Variants in DIAPH1 observed in about 807,000 individuals in gnomAD.
The protein encoded by DIAPH1 is protein diaphanous homolog 1.
A neutral mutation model predicts 140.7 loss-of-function variants in DIAPH1; 46 were observed. The ratio of observed to expected loss-of-function variants is 0.33; its 90% CI spans 0.26 to 0.42. DIAPH1 has a LOEUF of 0.42. Ranked by LOEUF, DIAPH1 falls within the 10% of genes least tolerant of loss-of-function variation. DIAPH1 has a pLI of 1.00. For missense variants in DIAPH1, 1,310 were observed against 1,558.7 expected (o/e 0.84, Z 2.69); for synonymous variants, 565 against 551.6 (o/e 1.02, Z -0.34).
intron 1 of DIAPH1, 37 bp downstream of exon 1, chr5:141,618,761 C>T (rs1440334217): frequency 1.4e-6 from 2 of 1,464,550 alleles, no homozygotes; most frequent in East Asian, 2.6e-5. Context: ...AGGGCGGTTA[C>T]GGGGCCAGGC....
intron 6 of DIAPH1, among the ~76,000 whole-genome samples, 191 bp downstream of exon 6, chr5:141,583,015 C>T (rs991655989): frequency 1.3e-5 from 2 of 152,112 alleles, no homozygotes; most frequent in African/African-American, 2.4e-5. Flanking sequence ...AATTTAAGTT[C>T]CTCCTCCCTT....
intron 21 of DIAPH1, 39 bp from the exon 22 acceptor site, chr5:141,528,980 AG>A (rs768858539): frequency 8.7e-6 from 14 of 1,613,484 alleles, no homozygotes; most frequent in Admixed American, 1.7e-5. Context: ...CAGTCAAAAG[AG>A]GGGGAAGTCA....
At chr5:141,605,807 T>C (rs1248278663) in intron 1 of DIAPH1, among the ~76,000 whole-genome samples, 1 of 152,188 alleles carries the variant, frequency 6.6e-6, no homozygotes, top group African/African-American at 2.4e-5. Flanking sequence ...GCTGCTTGCC[T>C]GATAATACAT....
chr5:141,618,966 C>A lies in DIAPH1; in HGVS notation c.-52G>T. 1 of 1,064,024 alleles carries A rather than the reference C, an allele frequency of 9.4e-7. No homozygotes were observed. Among genetic ancestry groups the A allele is most frequent in the Non-Finnish European group, 1.3e-6 (1 of 789,822 alleles). 65.9% of individuals were successfully genotyped at this position (1,064,024 alleles called of 1,614,324 possible). ...CCGCGCCTACGCCGCTCCCGCCTGG[C>A]AGCTCCGCGCCCGCCGCCGCCCAGT... On this transcript the variant is annotated 5_prime_UTR_variant, in exon 1 of 28. Transcript: ENST00000389054.
intron 18 of DIAPH1, among the ~76,000 whole-genome samples, chr5:141,534,896 T>C (rs1005240296): frequency 6.6e-6 from 1 of 152,172 alleles, no homozygotes; most frequent in Non-Finnish European, 1.5e-5. Flanking sequence ...TTCCACCATG[T>C]TATCCTTCCT....
At chr5:141,598,623 T>G (rs1361726737) in intron 1 of DIAPH1, among the ~76,000 whole-genome samples, 1 of 152,140 alleles carries the variant, frequency 6.6e-6, no homozygotes, top group African/African-American at 2.4e-5. Context: ...ATGTAATATG[T>G]GGTAAGATAA....
In DIAPH1 at chr5:141,572,137, T is replaced by C. The variant is rs2099895273; in HGVS notation, c.2359-97A>G. 4 of 817,442 alleles carry C rather than the reference T, an allele frequency of 4.9e-6. No individual in the cohort carries two copies. The South Asian group carries it at 5.5e-5, about 11-fold the overall frequency. 50.6% of individuals were successfully genotyped at this position (817,442 alleles called of 1,614,324 possible). ...GGCTGTAAAATAGGTGGCTGGCTGA[T>C]TATCAGCAATGTCTTACTAGAATAA... is the stretch of plus-strand genomic sequence containing the variant. On this transcript the variant is annotated intron_variant, in intron 16 of 27. Transcript: ENST00000389054.
intron 1 of DIAPH1, among the ~76,000 whole-genome samples, chr5:141,615,696 T>C (rs1364338528): frequency 6.6e-6 from 1 of 151,932 alleles, no homozygotes; most frequent in Non-Finnish European, 1.5e-5. Flanking sequence ...TGAGCTGAGA[T>C]TGCACCACTG....
chr5:141,612,623 T>G (rs544754791), intron 1 of DIAPH1, among the ~76,000 whole-genome samples: 35 of 152,224 alleles, frequency 2.3e-4, no homozygotes, highest in African/African-American at 8.4e-4. Flanking sequence ...AGTGGTAATC[T>G]GGAGATGGGA....
chr5:141,604,063 T>A (rs188750544), intron 1 of DIAPH1, among the ~76,000 whole-genome samples: 1 of 152,146 alleles, frequency 6.6e-6, no homozygotes, highest in East Asian at 1.9e-4. Context: ...AAAGCACACA[T>A]GGTTTGGGCA....
In DIAPH1 at chr5:141,516,473, G is replaced by C. The variant is rs2099885697; in HGVS notation, c.*378C>G. 1 of 315,554 alleles carries C rather than the reference G, an allele frequency of 3.2e-6. No homozygotes were observed. The highest frequency in any genetic ancestry group is 2.1e-5 in the African/African-American group (1 of 46,862). 19.5% of individuals were successfully genotyped at this position (315,554 alleles called of 1,614,324 possible). ...CAAAAGAAAAGCACAAATCCAGCAA[G>C]ACTGACCTAGGGGGGAAAGCCCATT... On this transcript the variant is annotated 3_prime_UTR_variant, in exon 28 of 28. Coordinates refer to ENST00000389054, the MANE Select transcript of DIAPH1 (RefSeq NM_005219.5).
rs1428054946 is a variant in DIAPH1 at position 141,528,686 on chromosome 5, T to G, written c.3018+16A>C. On this transcript the variant is annotated intron_variant, in intron 22 of 27. Transcript: ENST00000389054. Reference sequence around the variant, plus strand: ...CAGCCTTCCTTGTGTTGTCCTGCCCTACCTCTTTGGCTCACCTTACAGAGG... The same window carrying G: ...CAGCCTTCCTTGTGTTGTCCTGCCCGACCTCTTTGGCTCACCTTACAGAGG... 1.9e-6 allele frequency: 3 copies of G among 1,614,112 alleles called. No individual in the cohort carries two copies. Among genetic ancestry groups the G allele is most frequent in the Non-Finnish European group, 1.7e-6 (2 of 1,180,040 alleles).
intron 16 of DIAPH1, among the ~76,000 whole-genome samples, chr5:141,573,016 G>A (rs974223028): frequency 6.6e-6 from 1 of 152,224 alleles, no homozygotes; most frequent in African/African-American, 2.4e-5. Context: ...ATGGAATAAA[G>A]AAGATGCCTA....
At chr5:141,576,980 A>T in intron 12 of DIAPH1, 109 bp from the exon 13 acceptor site, 1 of 744,874 alleles carries the variant, frequency 1.3e-6, no homozygotes, top group Non-Finnish European at 2.4e-6. Flanking sequence ...GACCTGGAAA[A>T]ACTTTTGTAA....
intron 18 of DIAPH1, among the ~76,000 whole-genome samples, chr5:141,546,052 G>A (rs1056754943): frequency 2.0e-5 from 3 of 152,066 alleles, no homozygotes; most frequent in African/African-American, 7.2e-5. Flanking sequence ...ACTTCCCTAA[G>A]AATAACAAAA....
At chr5:141,536,917 C>G (rs1310432464) in intron 18 of DIAPH1, among the ~76,000 whole-genome samples, 1 of 152,158 alleles carries the variant, frequency 6.6e-6, no homozygotes, top group African/African-American at 2.4e-5. Context: ...TGCCTATAAT[C>G]CAAGCACTTT....
chr5:141,581,003 AC>A, intron 7 of DIAPH1, 120 bp from the exon 8 acceptor site: 1 of 1,089,870 alleles, frequency 9.2e-7, no homozygotes, highest in Non-Finnish European at 1.4e-6. Context: ...TGAAGTCCCA[AC>A]CCCCAGTACC....
intron 18 of DIAPH1, chr5:141,560,947 A>C (rs779039371): frequency 2.2e-5 from 10 of 455,248 alleles, no homozygotes; most frequent in South Asian, 1.4e-4. Flanking sequence ...GAGGGGGGGA[A>C]GGGGTGGAGA....
rs114145511 is a variant in DIAPH1 at position 141,549,111 on chromosome 5, T to G, written c.2483-14678A>C. Among the ~76,000 whole-genome samples the G allele has an allele frequency of 8.4e-3, 1,283 of 152,208 alleles. 17 individuals carry two copies. Among genetic ancestry groups the G allele is most frequent in the African/African-American group, 0.029 (1,220 of 41,532 alleles). ...ATTAAATATATGAAAAGACTAAAAC[T>G]GTCAGACTGGAGTTACAAAACATAC... On this transcript the variant is annotated intron_variant, in intron 18 of 27. Coordinates refer to ENST00000389054, the MANE Select transcript of DIAPH1 (RefSeq NM_005219.5).
Sources: allele counts gnomAD v4.1 joint callset (sites outside exome capture counted in the v4.1 genomes callset), GRCh38; gene constraint gnomAD v4.1.1; transcripts MANE v1.5; gene names NCBI Gene and HGNC (gene_info 2026-07-23, HGNC 2026-07-21).